The following GRIK1 variants were observed in gnomAD, a reference collection of about 807,000 sequenced individuals.
GRIK1 encodes the protein glutamate receptor ionotropic, kainate 1.
Under a neutral mutation model 105.7 loss-of-function variants are expected in GRIK1, and 69 were observed. That is an observed-to-expected ratio of 0.65 (90% CI 0.54 to 0.80). The LOEUF is 0.80. Ranked by LOEUF, GRIK1 falls within the 30% of genes least tolerant of loss-of-function variation. The pLI, the probability that GRIK1 is intolerant of heterozygous loss-of-function variation, is 0.00. For missense variants in GRIK1, 1,109 were observed against 1,167.3 expected, an observed-to-expected ratio of 0.95 and a Z score of 0.73; for synonymous variants, 438 against 431.3, an observed-to-expected ratio of 1.02 and a Z score of -0.19.
intron 14 of GRIK1, among the ~76,000 whole-genome samples, chr21:29,569,488 A>G (rs1466705307): frequency 2.6e-5 from 4 of 152,160 alleles, no homozygotes; most frequent in Admixed American, 6.5e-5. Context: ...CTGGGTCCAG[A>G]TCTCCAACAA....
chr21:29,928,347 G>A (rs139015225), intron 1 of GRIK1, among the ~76,000 whole-genome samples: 22 of 152,324 alleles, frequency 1.4e-4, no homozygotes, highest in African/African-American at 5.1e-4. Context: ...AGATAGACAT[G>A]TGATAATACA....
chr21:29,841,549 TA>T, intron 1 of GRIK1, among the ~76,000 whole-genome samples: 1 of 152,174 alleles, frequency 6.6e-6, no homozygotes, highest in Non-Finnish European at 1.5e-5. Context: ...GAAATTAGAA[TA>T]ATGATTCCAT....
intron 1 of GRIK1, among the ~76,000 whole-genome samples, chr21:29,744,154 C>T (rs1474359213): frequency 6.6e-6 from 1 of 152,184 alleles, no homozygotes. Context: ...GATGGATGAG[C>T]CAAGGGAGTT....
chr21:29,616,877 G>A (rs1419879418), intron 7 of GRIK1, among the ~76,000 whole-genome samples: 1 of 152,172 alleles, frequency 6.6e-6, no homozygotes, highest in Non-Finnish European at 1.5e-5. Context: ...GAATAATTAA[G>A]TTGAAATGGT....
At chr21:29,869,659 C>CT (rs1555901908) in intron 1 of GRIK1, among the ~76,000 whole-genome samples, 1 of 152,182 alleles carries the variant, frequency 6.6e-6, no homozygotes, top group Non-Finnish European at 1.5e-5. Flanking sequence ...GTATAGCACT[C>CT]TTAAGTGTAA....
chr21:29,637,221 C>T (rs1027791058), intron 7 of GRIK1, among the ~76,000 whole-genome samples: 11 of 152,190 alleles, frequency 7.2e-5, no homozygotes, highest in Admixed American at 2.0e-4. Context: ...CTCTGATTCC[C>T]GGTTCTGTAC....
At chr21:29,830,830 C>T (rs2067611630) in intron 1 of GRIK1, among the ~76,000 whole-genome samples, 1 of 151,904 alleles carries the variant, frequency 6.6e-6, no homozygotes, top group South Asian at 2.1e-4. Flanking sequence ...GTCTGATGAA[C>T]ATAGAGATTC....
intron 1 of GRIK1, among the ~76,000 whole-genome samples, chr21:29,919,284 G>A (rs1028714441): frequency 6.6e-6 from 1 of 152,116 alleles, no homozygotes; most frequent in African/African-American, 2.4e-5. Context: ...AGTCCACGGA[G>A]GTAAGAGGCT....
intron 1 of GRIK1, among the ~76,000 whole-genome samples, chr21:29,764,162 C>T (rs1295235286): frequency 6.6e-6 from 1 of 152,082 alleles, no homozygotes; most frequent in African/African-American, 2.4e-5. Flanking sequence ...ACATTGGGTG[C>T]CTGGAAACTG....
chr21:29,849,529 C>T (rs2068239408), intron 1 of GRIK1, among the ~76,000 whole-genome samples: 1 of 152,196 alleles, frequency 6.6e-6, no homozygotes, highest in African/African-American at 2.4e-5. Flanking sequence ...GCGTCAGACA[C>T]AGTTCTTATG....
At chr21:29,653,147 A>T (rs1250379230) in intron 5 of GRIK1, among the ~76,000 whole-genome samples, 2 of 152,018 alleles carry the variant, frequency 1.3e-5, no homozygotes, top group African/African-American at 4.8e-5. Flanking sequence ...AGGATGAAAG[A>T]AGCAAAGTTA....
At chr21:29,882,107 G>A (rs1352900031) in intron 1 of GRIK1, among the ~76,000 whole-genome samples, 1 of 151,854 alleles carries the variant, frequency 6.6e-6, no homozygotes, top group African/African-American at 2.4e-5. Context: ...ACAAACAACA[G>A]TAACAATAAA....
intron 7 of GRIK1, among the ~76,000 whole-genome samples, chr21:29,605,018 TTC>T (rs1273518723): frequency 8.5e-5 from 13 of 152,306 alleles, no homozygotes; most frequent in African/African-American, 2.6e-4. Flanking sequence ...TTAAAATGAT[TTC>T]TTTTACTTAT....
intron 7 of GRIK1, among the ~76,000 whole-genome samples, chr21:29,611,165 A>G (rs1343929670): frequency 6.6e-6 from 1 of 152,206 alleles, no homozygotes; most frequent in Non-Finnish European, 1.5e-5. Flanking sequence ...GGATGATTTA[A>G]TCCTCTAGAG....
At chr21:29,706,252 T>A (rs917096527) in intron 1 of GRIK1, among the ~76,000 whole-genome samples, 24 of 152,232 alleles carry the variant, frequency 1.6e-4, no homozygotes, top group African/African-American at 5.8e-4. Context: ...TTTGAAAATT[T>A]AAAAAATCCA....
chr21:29,547,409 G>GT (rs1396229301), intron 16 of GRIK1, among the ~76,000 whole-genome samples: 2 of 152,228 alleles, frequency 1.3e-5, no homozygotes, highest in Non-Finnish European at 2.9e-5. Context: ...CTGCTTCTAT[G>GT]TTTTTTGTTT....
At position 29,673,002 on chromosome 21, in the gene GRIK1, G is replaced by A. The variant is rs760109217; in HGVS notation, c.707C>T (p.Ala236Val). The A allele has an allele frequency of 3.7e-6, 6 of 1,611,878 alleles. No individual in the cohort carries two copies. The highest frequency in any genetic ancestry group is 5.1e-6 in the Non-Finnish European group (6 of 1,178,570). ...TCTTACCTGCTTAAGGATTTCAGCGGCTGTTTCATGTGAACAATCAAATAT... is the reference window on the plus strand; with the variant it reads ...TCTTACCTGCTTAAGGATTTCAGCGACTGTTTCATGTGAACAATCAAATAT... ...YVIFDCSHET[A>V]AEILKQILFM... Residue 236 changes from alanine to valine, a missense_variant, in exon 4 of 18, where the codon GCC becomes GTC. Transcript: ENST00000327783.
At chr21:29,789,446 C>T (rs1038876597) in intron 1 of GRIK1, among the ~76,000 whole-genome samples, 7 of 152,190 alleles carry the variant, frequency 4.6e-5, no homozygotes, top group Non-Finnish European at 1.0e-4. Context: ...TCCTGAAAAT[C>T]ATCTACAAAG....
intron 3 of GRIK1, among the ~76,000 whole-genome samples, chr21:29,676,429 T>G (rs546222843): frequency 6.6e-6 from 1 of 152,336 alleles, no homozygotes; most frequent in East Asian, 1.9e-4. Context: ...AGACAAAATT[T>G]AGAGGAAGCT....
Sources: allele counts gnomAD v4.1 joint callset (sites outside exome capture counted in the v4.1 genomes callset), GRCh38; gene constraint gnomAD v4.1.1; transcripts MANE v1.5; gene names NCBI Gene and HGNC (gene_info 2026-07-23, HGNC 2026-07-21).